Variants in CAMTA1 observed in about 807,000 individuals in gnomAD.
CAMTA1 encodes the protein calmodulin binding transcription activator 1.
In CAMTA1, 27 loss-of-function variants were observed where a neutral mutation model predicts 170.9. The ratio of observed to expected loss-of-function variants is 0.16; its 90% CI spans 0.12 to 0.22. CAMTA1 has a LOEUF of 0.22. CAMTA1 is among the 10% of genes least tolerant of loss of function. The pLI, the probability that CAMTA1 is intolerant of heterozygous loss-of-function variation, is 1.00. For synonymous variants in CAMTA1, 833 were observed against 891.5 expected, an observed-to-expected ratio of 0.93 and a Z score of 1.17; for missense variants, 1,619 against 2,217.2, an observed-to-expected ratio of 0.73 and a Z score of 5.42.
chr1:7,108,112 C>T (rs930050385), intron 4 of CAMTA1, among the ~76,000 whole-genome samples: 3 of 152,070 alleles, frequency 2.0e-5, no homozygotes, highest in Admixed American at 1.3e-4. Flanking sequence ...CTATGGTGCA[C>T]AGGACAGAGC....
intron 3 of CAMTA1, among the ~76,000 whole-genome samples, chr1:6,906,978 G>A (rs1431299549): frequency 1.3e-5 from 2 of 152,074 alleles, no homozygotes; most frequent in East Asian, 1.9e-4. Context: ...CATCCCCCGC[G>A]TCCCAGCCCT....
At chr1:6,925,821 T>C (rs1427489760) in intron 3 of CAMTA1, among the ~76,000 whole-genome samples, 4 of 152,220 alleles carry the variant, frequency 2.6e-5, no homozygotes, top group African/African-American at 4.8e-5. Context: ...CACTGGAGCC[T>C]GCAGGCCATA....
chr1:7,192,515 ATT>A (rs1654728712), intron 4 of CAMTA1, among the ~76,000 whole-genome samples: 1 of 152,188 alleles, frequency 6.6e-6, no homozygotes, highest in South Asian at 2.1e-4. Context: ...AAATCTGGGA[ATT>A]TTTGAGTTAG....
chr1:7,510,011 A>ATCCTGCACATGCTTATGGGAGAATAGCCC (rs1557842840), intron 6 of CAMTA1, among the ~76,000 whole-genome samples: 6 of 134,522 alleles, frequency 4.5e-5, no homozygotes, highest in Admixed American at 7.2e-5. Flanking sequence ...ACAAACAAAC[A>ATCCTGCACATGCTTATGGGAGAATAGCCC]ACAAAAAAAA....
chr1:7,618,072 A>C (rs536717699), intron 6 of CAMTA1, among the ~76,000 whole-genome samples: 1 of 152,346 alleles, frequency 6.6e-6, no homozygotes, highest in African/African-American at 2.4e-5. Flanking sequence ...CTCCCACAGC[A>C]GCCTGGGCAG....
rs923285402 is a variant in CAMTA1 at position 7,128,903 on chromosome 1, C to T, written c.302+37532C>T. Among the ~76,000 whole-genome samples the T allele has an allele frequency of 1.3e-4, 17 of 132,216 alleles. No individual in the cohort carries two copies. The East Asian group carries it at 2.4e-3, about 19-fold the overall frequency. 86.7% of individuals were successfully genotyped at this position (132,216 alleles called of 152,430 possible). On this transcript the variant is annotated intron_variant, in intron 4 of 22. Coordinates refer to ENST00000303635, the MANE Select transcript of CAMTA1 (RefSeq NM_015215.4). ...TTGGCCAGGCTGAAGTGCAGTGGTT[C>T]GATCTCAGCTCACTGCAACCTCTGC...
chr1:7,205,524 T>C (rs574333666), intron 4 of CAMTA1, among the ~76,000 whole-genome samples: 555 of 152,378 alleles, frequency 3.6e-3, no homozygotes, highest in African/African-American at 0.013. Flanking sequence ...TCCTGATAGA[T>C]TGACCATTTT....
chr1:7,201,792 T>G (rs755332281), intron 4 of CAMTA1, among the ~76,000 whole-genome samples: 19 of 152,172 alleles, frequency 1.2e-4, no homozygotes, highest in Non-Finnish European at 1.9e-4. Flanking sequence ...AGACATAAGT[T>G]CTTTATCAGA....
intron 5 of CAMTA1, among the ~76,000 whole-genome samples, chr1:7,301,649 A>G (rs1674783364): frequency 6.6e-6 from 1 of 152,150 alleles, no homozygotes; most frequent in Non-Finnish European, 1.5e-5. Flanking sequence ...GATAGGACAG[A>G]AAAAGCCAAG....
chr1:6,898,916 A>G (rs556840022), intron 3 of CAMTA1, among the ~76,000 whole-genome samples: 3 of 152,020 alleles, frequency 2.0e-5, no homozygotes, highest in Non-Finnish European at 4.4e-5. Context: ...TTTTCTTTAA[A>G]TGGAATAGAT....
intron 5 of CAMTA1, among the ~76,000 whole-genome samples, chr1:7,394,067 A>G (rs1031857322): frequency 1.3e-5 from 2 of 152,178 alleles, no homozygotes; most frequent in Non-Finnish European, 2.9e-5. Context: ...TCCATTGTGT[A>G]TATGTACCAC....
chr1:7,175,055 C>CGT (rs374943938), intron 4 of CAMTA1, among the ~76,000 whole-genome samples: 7 of 151,082 alleles, frequency 4.6e-5, no homozygotes, highest in South Asian at 4.2e-4. Context: ...TGTGTGTGTG[C>CGT]GTGTGTGTGT....
intron 7 of CAMTA1, among the ~76,000 whole-genome samples, chr1:7,654,803 A>AC (rs2095871845): frequency 3.3e-5 from 1 of 29,966 alleles, no homozygotes; most frequent in East Asian, 6.4e-4. Flanking sequence ...ACCTATACAC[A>AC]CACCCACACA....
At chr1:6,797,177 C>G (rs1041062343) in intron 1 of CAMTA1, among the ~76,000 whole-genome samples, 2 of 152,028 alleles carry the variant, frequency 1.3e-5, no homozygotes, top group Non-Finnish European at 2.9e-5. Context: ...CTAAGCAGTC[C>G]TCCTGCCTCA....
intron 3 of CAMTA1, among the ~76,000 whole-genome samples, chr1:6,833,148 T>C (rs145136304): frequency 1.1e-3 from 164 of 152,302 alleles, no homozygotes; most frequent in African/African-American, 3.6e-3. Flanking sequence ...AGAAGTAAAT[T>C]GCACCCTCAG....
chr1:7,284,799 C>T (rs1159500124), intron 5 of CAMTA1, among the ~76,000 whole-genome samples: 1 of 152,244 alleles, frequency 6.6e-6, no homozygotes, highest in Admixed American at 6.5e-5. Flanking sequence ...TTGCACTCTT[C>T]AGGTCGTAAC....
At chr1:7,694,163 C>T (rs1206730699) in intron 11 of CAMTA1, 1 of 152,244 alleles carries the variant, frequency 6.6e-6, no homozygotes, top group Non-Finnish European at 1.5e-5. Context: ...TTCCCCTACT[C>T]CTCACCCCAG....
chr1:7,424,960 A>T (rs1368455759), intron 5 of CAMTA1, among the ~76,000 whole-genome samples: 1 of 151,982 alleles, frequency 6.6e-6, no homozygotes, highest in African/African-American at 2.4e-5. Context: ...CTGCATAGGG[A>T]GGGAGGGAGG....
At chr1:6,962,046 A>G (rs919770909) in intron 3 of CAMTA1, among the ~76,000 whole-genome samples, 6 of 151,640 alleles carry the variant, frequency 4.0e-5, no homozygotes, top group Non-Finnish European at 8.8e-5. Context: ...GCTGTCCCCA[A>G]ACGTGTCTCC....
Sources: allele counts gnomAD v4.1 joint callset (sites outside exome capture counted in the v4.1 genomes callset), GRCh38; gene constraint gnomAD v4.1.1; transcripts MANE v1.5; gene names NCBI Gene and HGNC (gene_info 2026-07-23, HGNC 2026-07-21).